Variants in QKI observed in about 807,000 individuals in gnomAD.
The protein encoded by QKI is QKI, KH domain containing RNA binding.
A neutral mutation model predicts 39.0 loss-of-function variants in QKI; 10 were observed. The ratio of observed to expected loss-of-function variants is 0.26; its 90% CI spans 0.16 to 0.43. QKI has a LOEUF of 0.43. Among genes scored for constraint, QKI ranks in the 20% least tolerant of loss-of-function variants. The probability of loss-of-function intolerance (pLI) is 1.00; values close to 1 mark genes in which losing one functional copy is unlikely to be tolerated. For synonymous variants in QKI, 204 were observed against 155.4 expected (o/e 1.31, Z -2.33); for missense variants, 218 against 428.0 (o/e 0.51, Z 4.33).
intron 2 of QKI, among the ~76,000 whole-genome samples, chr6:163,472,264 A>G (rs1202945990): frequency 6.6e-6 from 1 of 152,192 alleles, no homozygotes; most frequent in Non-Finnish European, 1.5e-5. Context: ...TAAGGAAGAA[A>G]AAATACGTTT....
chr6:163,415,376 C>T (rs763589918), intron 1 of QKI, 41 bp downstream of exon 1: 3 of 1,366,052 alleles, frequency 2.2e-6, no homozygotes, highest in Non-Finnish European at 2.9e-6. Context: ...CGACCCCCGC[C>T]GGGGCGGCCC....
chr6:163,520,248 A>T, intron 3 of QKI, among the ~76,000 whole-genome samples: 1 of 152,138 alleles, frequency 6.6e-6, no homozygotes, highest in East Asian at 1.9e-4. Context: ...TTCTTGGCTG[A>T]TGTAGTTGAA....
At chr6:163,565,953 T>C (rs1381994224) in intron 6 of QKI, 1 of 1,613,454 alleles carries the variant, frequency 6.2e-7, no homozygotes, top group Admixed American at 1.7e-5. Flanking sequence ...TAGGTATGGC[T>C]TTCCCAACGA....
At chr6:163,535,157 G>A (rs1781114956) in intron 4 of QKI, 32 bp downstream of exon 4, 2 of 1,523,626 alleles carry the variant, frequency 1.3e-6, no homozygotes, top group Non-Finnish European at 1.8e-6. Context: ...TTAGATTTGG[G>A]CCTCGTCCTT....
chr6:163,467,524 G>A (rs1314718727), intron 2 of QKI, among the ~76,000 whole-genome samples: 4 of 152,086 alleles, frequency 2.6e-5, no homozygotes, highest in African/African-American at 9.7e-5. Context: ...TTTTTACATA[G>A]CCTTGTAAGA....
intron 1 of QKI, among the ~76,000 whole-genome samples, chr6:163,417,600 C>G (rs1272645601): frequency 6.6e-6 from 1 of 152,082 alleles, no homozygotes; most frequent in Middle Eastern, 3.2e-3. Flanking sequence ...ATGTCATTGT[C>G]TCTGACAAAG....
At position 163,573,673 on chromosome 6, in the gene QKI, G is replaced by A. The variant is rs925925835; in HGVS notation, c.*2963G>A. 6.6e-6 allele frequency: 1 copy of A among 152,110 alleles called. No homozygotes were observed. Among genetic ancestry groups the A allele is most frequent in the Non-Finnish European group, 1.5e-5 (1 of 68,018 alleles). 9.4% of individuals were successfully genotyped at this position (152,110 alleles called of 1,614,324 possible). A position where few individuals can be genotyped will look rare whatever the true frequency, so the allele number is the denominator to read the frequency against. ...TTGGGCTTTTAGTTAGCTAATGAAT[G>A]AATACATTAGACACTTTTGGGTTTT... is the stretch of plus-strand genomic sequence containing the variant. On this transcript the variant is annotated 3_prime_UTR_variant, in exon 8 of 8. Coordinates refer to ENST00000361752, the MANE Select transcript of QKI (RefSeq NM_006775.3).
chr6:163,428,401 TAA>T (rs1210673991), intron 1 of QKI, among the ~76,000 whole-genome samples: 1 of 152,180 alleles, frequency 6.6e-6, no homozygotes, highest in East Asian at 1.9e-4. Context: ...TTTGTAATTA[TAA>T]AGTCTTTAGG....
At chr6:163,523,558 C>G (rs1207378718) in intron 3 of QKI, among the ~76,000 whole-genome samples, 5 of 152,024 alleles carry the variant, frequency 3.3e-5, no homozygotes, top group Admixed American at 2.6e-4. Flanking sequence ...TTCCATAGTT[C>G]CTTTTAAATG....
intron 2 of QKI, among the ~76,000 whole-genome samples, chr6:163,456,833 C>T (rs541447855): frequency 1.1e-4 from 17 of 151,908 alleles, no homozygotes; most frequent in African/African-American, 4.1e-4. Flanking sequence ...CATCTGAGAA[C>T]TTGAGCAGCA....
chr6:163,518,265 T>C (rs1779952049), intron 3 of QKI, among the ~76,000 whole-genome samples: 1 of 152,156 alleles, frequency 6.6e-6, no homozygotes. Context: ...TCAACAGACT[T>C]CAAAAAAATT....
intron 4 of QKI, among the ~76,000 whole-genome samples, chr6:163,540,971 T>A (rs1189668589): frequency 6.6e-6 from 1 of 152,030 alleles, no homozygotes; most frequent in Non-Finnish European, 1.5e-5. Context: ...TTGATTTTTC[T>A]CAATTTTTTT....
At chr6:163,493,278 A>G (rs780481140) in intron 3 of QKI, among the ~76,000 whole-genome samples, 1 of 151,902 alleles carries the variant, frequency 6.6e-6, no homozygotes, top group Admixed American at 6.6e-5. Context: ...TTACAGGCGC[A>G]TGCCACCACT....
Position 163,499,092 on chromosome 6 carries a change from G to A in QKI, c.402+20196G>A, listed in dbSNP as rs140240268. 5.7e-3 allele frequency among the ~76,000 whole-genome samples: 865 copies of A among 152,210 alleles called. 11 individuals carry two copies. The highest frequency in any genetic ancestry group is 0.019 in the African/African-American group (804 of 41,554). ...CGACACAGGTATGCAGTTCTACACT[G>A]CGGCATCATGTCAGTGCTCAAAATG... On this transcript the variant is annotated intron_variant, in intron 3 of 7. Transcript: ENST00000361752.
intron 4 of QKI, among the ~76,000 whole-genome samples, chr6:163,551,184 T>C (rs948167608): frequency 6.6e-6 from 1 of 152,220 alleles, no homozygotes; most frequent in African/African-American, 2.4e-5. Flanking sequence ...TTCTGTGATC[T>C]ATGGTCATCA....
chr6:163,415,368 A>G, intron 1 of QKI, 33 bp downstream of exon 1: 1 of 1,399,620 alleles, frequency 7.1e-7, no homozygotes, highest in Non-Finnish European at 9.5e-7. Flanking sequence ...CCCCGGCCCG[A>G]CCCCCGCCGG....
chr6:163,451,015 C>T (rs1790522249), intron 1 of QKI, among the ~76,000 whole-genome samples: 1 of 152,138 alleles, frequency 6.6e-6, no homozygotes, highest in Non-Finnish European at 1.5e-5. Flanking sequence ...CGGTTGGATT[C>T]TTGACTCGGA....
chr6:163,569,634 TTA>T (rs1419854294), intron 7 of QKI: 6 of 1,002,330 alleles, frequency 6.0e-6, no homozygotes, highest in Admixed American at 6.0e-5. Flanking sequence ...GAGAACTACT[TTA>T]TGTTTTACTG....
intron 3 of QKI, among the ~76,000 whole-genome samples, chr6:163,505,299 C>T (rs1417043292): frequency 6.6e-6 from 1 of 152,166 alleles, no homozygotes; most frequent in Non-Finnish European, 1.5e-5. Flanking sequence ...CACACAGAGT[C>T]CCCACTGGGT....
Sources: allele counts gnomAD v4.1 joint callset (sites outside exome capture counted in the v4.1 genomes callset), GRCh38; gene constraint gnomAD v4.1.1; transcripts MANE v1.5; gene names NCBI Gene and HGNC (gene_info 2026-07-23, HGNC 2026-07-21).